Variants in ADAMTSL3 observed in about 807,000 individuals in gnomAD.
ADAMTSL3 encodes the protein ADAMTS-like protein 3.
A neutral mutation model predicts 201.7 loss-of-function variants in ADAMTSL3; 128 were observed. The observed-to-expected ratio is 0.63, with a 90% CI of 0.55 to 0.73. The LOEUF (loss-of-function observed/expected upper bound fraction) is 0.73. Ranked by LOEUF, ADAMTSL3 falls within the 30% of genes least tolerant of loss-of-function variation. ADAMTSL3 has a pLI of 0.00. For missense variants in ADAMTSL3, 1,990 were observed against 2,119.6 expected (o/e 0.94, Z 1.20); for synonymous variants, 738 against 748.4 (o/e 0.99, Z 0.23).
chr15:83,715,450 A>G (rs769271932), intron 3 of ADAMTSL3, among the ~76,000 whole-genome samples: 2 of 152,184 alleles, frequency 1.3e-5, no homozygotes, highest in African/African-American at 4.8e-5. Flanking sequence ...GATTGAACTG[A>G]TTGGGTACTT....
intron 19 of ADAMTSL3, among the ~76,000 whole-genome samples, chr15:83,951,638 C>T (rs189568960): frequency 3.9e-5 from 6 of 152,154 alleles, no homozygotes; most frequent in Admixed American, 3.9e-4. Context: ...GTCATTGGAT[C>T]TCAGGCTTTT....
intron 4 of ADAMTSL3, among the ~76,000 whole-genome samples, chr15:83,776,816 C>G (rs1040131460): frequency 6.6e-6 from 1 of 152,156 alleles, no homozygotes; most frequent in African/African-American, 2.4e-5. Flanking sequence ...AAGAAGAAAT[C>G]AGTTATGTGA....
In ADAMTSL3 at chr15:83,898,012, C is replaced by T; in HGVS notation, c.1615+7C>T. On this transcript the variant is annotated splice_region_variant and intron_variant, in intron 14 of 29. Transcript: ENST00000286744. The stretch of plus-strand genomic sequence containing the variant: ...CCGTGTTATAAACCAAAAGGTAAGT[C>T]TGTGGTGCACTGTAAATTCAAATCA... 1 of 1,604,382 alleles carries T rather than the reference C, an allele frequency of 6.2e-7. No individual in the cohort carries two copies. The highest frequency in any genetic ancestry group is 8.5e-7 in the Non-Finnish European group (1 of 1,173,768).
chr15:83,806,437 A>G (rs961596382), intron 5 of ADAMTSL3, among the ~76,000 whole-genome samples: 1 of 152,216 alleles, frequency 6.6e-6, no homozygotes. Context: ...CCCAGAACCA[A>G]TGTGAATTCA....
rs114204477 is a variant in ADAMTSL3 at position 83,697,663 on chromosome 15, T to C, written c.70-6726T>C. ...ACGTAGGGTGAGGTCTGGAAGGAGG[T>C]CCCAAGTGCAGGAGTTGGGGTGTGC... On this transcript the variant is annotated intron_variant, in intron 2 of 29. Coordinates refer to ENST00000286744, the MANE Select transcript of ADAMTSL3 (RefSeq NM_207517.3). Among the ~76,000 whole-genome samples the C allele has an allele frequency of 4.3e-3, 646 of 151,898 alleles. 7 individuals carry two copies. The highest frequency in any genetic ancestry group is 0.015 in the African/African-American group (626 of 41,402).
intron 9 of ADAMTSL3, among the ~76,000 whole-genome samples, chr15:83,883,066 CTG>C (rs2065307162): frequency 1.3e-5 from 2 of 151,864 alleles, no homozygotes; most frequent in South Asian, 2.1e-4. Flanking sequence ...AAAAATTAAA[CTG>C]TATTATTTTG....
At chr15:83,687,310 C>T (rs1182428704) in intron 2 of ADAMTSL3, among the ~76,000 whole-genome samples, 1 of 152,214 alleles carries the variant, frequency 6.6e-6, no homozygotes, top group Non-Finnish European at 1.5e-5. Context: ...AACATGTAAT[C>T]AGTATGAAAA....
intron 3 of ADAMTSL3, among the ~76,000 whole-genome samples, chr15:83,741,306 G>A (rs978602785): frequency 5.9e-5 from 9 of 151,756 alleles, no homozygotes; most frequent in African/African-American, 2.2e-4. Context: ...TCTTCACCAA[G>A]TGTGGTTTTT....
chr15:84,000,308 TA>T (rs937878608), intron 23 of ADAMTSL3, among the ~76,000 whole-genome samples: 5 of 152,128 alleles, frequency 3.3e-5, no homozygotes, highest in Admixed American at 3.3e-4. Context: ...ATCTTTGAAA[TA>T]GCTAAAATTG....
intron 10 of ADAMTSL3, among the ~76,000 whole-genome samples, chr15:83,888,164 G>GT (rs1221417714): frequency 2.0e-5 from 3 of 152,214 alleles, no homozygotes; most frequent in African/African-American, 7.2e-5. Context: ...AGCAGTGGAT[G>GT]TAAGAACAGA....
chr15:83,754,070 T>G (rs2062680207), intron 3 of ADAMTSL3, among the ~76,000 whole-genome samples: 1 of 152,208 alleles, frequency 6.6e-6, no homozygotes, highest in Non-Finnish European at 1.5e-5. Flanking sequence ...GTTGACATTT[T>G]AGGTCAGATA....
At chr15:83,957,115 A>G (rs1422351017) in intron 19 of ADAMTSL3, among the ~76,000 whole-genome samples, 1 of 152,228 alleles carries the variant, frequency 6.6e-6, no homozygotes, top group African/African-American at 2.4e-5. Flanking sequence ...CATAAGATGC[A>G]GCTTTGGAGT....
intron 6 of ADAMTSL3, among the ~76,000 whole-genome samples, chr15:83,824,515 C>T (rs1270693154): frequency 6.6e-6 from 1 of 152,084 alleles, no homozygotes; most frequent in Non-Finnish European, 1.5e-5. Flanking sequence ...TTACATTAGG[C>T]CTCACTCTTG....
intron 19 of ADAMTSL3, among the ~76,000 whole-genome samples, chr15:83,965,922 C>A (rs1431456454): frequency 2.6e-5 from 4 of 152,162 alleles, no homozygotes; most frequent in Non-Finnish European, 5.9e-5. Flanking sequence ...AGAACCTGCT[C>A]CTGAATGACT....
chr15:83,971,683 T>C (rs2142128048), intron 20 of ADAMTSL3, among the ~76,000 whole-genome samples: 1 of 148,330 alleles, frequency 6.7e-6, no homozygotes, highest in South Asian at 2.1e-4. Context: ...GGTGAGGAGG[T>C]TGGGAAGGGA....
At chr15:83,798,639 C>T (rs1264306842) in intron 4 of ADAMTSL3, among the ~76,000 whole-genome samples, 2 of 151,906 alleles carry the variant, frequency 1.3e-5, no homozygotes, top group Non-Finnish European at 2.9e-5. Flanking sequence ...AACCCCGTCT[C>T]TACTAAAAAT....
intron 4 of ADAMTSL3, among the ~76,000 whole-genome samples, chr15:83,802,559 G>A (rs753899588): frequency 3.3e-5 from 5 of 152,164 alleles, no homozygotes; most frequent in Non-Finnish European, 7.3e-5. Flanking sequence ...CCACAAGAAT[G>A]ATTTTCAAGT....
intron 3 of ADAMTSL3, among the ~76,000 whole-genome samples, chr15:83,709,157 A>G (rs192851938): frequency 6.6e-6 from 1 of 152,254 alleles, no homozygotes; most frequent in East Asian, 1.9e-4. Flanking sequence ...TCCTTCAGGA[A>G]TTTGGAATTA....
intron 3 of ADAMTSL3, among the ~76,000 whole-genome samples, chr15:83,723,058 A>G (rs948669338): frequency 3.3e-5 from 5 of 152,228 alleles, no homozygotes; most frequent in Admixed American, 6.5e-5. Context: ...GTAAGATAAC[A>G]TGTAATACAA....
Sources: allele counts gnomAD v4.1 joint callset (sites outside exome capture counted in the v4.1 genomes callset), GRCh38; gene constraint gnomAD v4.1.1; transcripts MANE v1.5; gene names NCBI Gene and HGNC (gene_info 2026-07-23, HGNC 2026-07-21).